Variants in HEXB observed in about 807,000 individuals in gnomAD.
HEXB encodes the protein hexosaminidase subunit beta, also known as beta-hexosaminidase subunit beta.
Under a neutral mutation model 71.2 loss-of-function variants are expected in HEXB, and 51 were observed. That is an observed-to-expected ratio of 0.72 (90% confidence interval 0.57 to 0.90). The LOEUF is 0.90. HEXB is among the 40% of genes least tolerant of loss of function. The probability of loss-of-function intolerance (pLI) is 0.00; values close to 1 mark genes in which losing one functional copy is unlikely to be tolerated. For synonymous variants in HEXB, 266 were observed against 249.3 expected (o/e 1.07, Z -0.63); for missense variants, 617 against 677.0 (o/e 0.91, Z 0.98).
At chr5:74,693,794 G>T (rs1040095211) in intron 3 of HEXB, 90 bp downstream of exon 3, 5 of 889,810 alleles carry the variant, frequency 5.6e-6, no homozygotes, top group Non-Finnish European at 9.6e-6. Context: ...AAACTTTGCC[G>T]CCTTAGATCC....
At chr5:74,646,561 A>C (rs1393259691) in intron 1 of HEXB, among the ~76,000 whole-genome samples, 1 of 151,138 alleles carries the variant, frequency 6.6e-6, no homozygotes, top group Non-Finnish European at 1.5e-5. Flanking sequence ...ATGAACAAAC[A>C]ATTCATTCTT....
chr5:74,656,213 G>A (rs9716515), intron 1 of HEXB, among the ~76,000 whole-genome samples: 1 of 152,006 alleles, frequency 6.6e-6, no homozygotes, highest in Admixed American at 6.6e-5. Context: ...CCCAGCACTT[G>A]GGGAGGCCTA....
rs1488449870 is a variant in HEXB at position 74,702,080 on chromosome 5, T to C, written c.670-3139T>C. On this transcript the variant is annotated intron_variant, in intron 5 of 13. Coordinates refer to ENST00000261416, the MANE Select transcript of HEXB (RefSeq NM_000521.4). ...ATCTTTCCTTGTCTTTTTTTTTTTT[T>C]TTTTTTTTTTTTTTTTGAGACGGAG... Among the ~76,000 whole-genome samples, 3 of 128,244 alleles carry C rather than the reference T, an allele frequency of 2.3e-5. No homozygotes were observed. The Admixed American group carries it at 2.4e-4, about 10-fold the overall frequency. 84.1% of individuals were successfully genotyped at this position (128,244 alleles called of 152,430 possible). A position where few individuals can be genotyped will look rare whatever the true frequency, so the allele number is the denominator to read the frequency against.
chr5:74,695,448 C>T (rs1245310828), intron 3 of HEXB, among the ~76,000 whole-genome samples: 1 of 151,134 alleles, frequency 6.6e-6, no homozygotes, highest in Non-Finnish European at 1.5e-5. Flanking sequence ...CGTGATCCAC[C>T]TGCCTTGGCC....
chr5:74,642,872 C>G (rs1747931270), intron 1 of HEXB, among the ~76,000 whole-genome samples: 1 of 152,156 alleles, frequency 6.6e-6, no homozygotes, highest in African/African-American at 2.4e-5. Flanking sequence ...GCTGGTGCCA[C>G]TTTCCTGTAT....
intron 5 of HEXB, among the ~76,000 whole-genome samples, chr5:74,702,730 T>C (rs977500032): frequency 6.6e-6 from 1 of 152,218 alleles, no homozygotes; most frequent in African/African-American, 2.4e-5. Context: ...CACTCACTAG[T>C]TTTAGCATCC....
chr5:74,672,502 C>T (rs1169615039), intron 1 of HEXB, among the ~76,000 whole-genome samples: 1 of 152,192 alleles, frequency 6.6e-6, no homozygotes, highest in Non-Finnish European at 1.5e-5. Flanking sequence ...AGCTATAGAC[C>T]ACACTGAATG....
intron 3 of HEXB, among the ~76,000 whole-genome samples, chr5:74,695,713 C>T (rs1042515720): frequency 4.0e-5 from 6 of 150,780 alleles, no homozygotes; most frequent in Non-Finnish European, 5.9e-5. Flanking sequence ...TGGTGGTGCA[C>T]GCTTGTAGTC....
At chr5:74,642,804 T>G (rs1241700659) in intron 1 of HEXB, among the ~76,000 whole-genome samples, 1 of 152,168 alleles carries the variant, frequency 6.6e-6, no homozygotes, top group Non-Finnish European at 1.5e-5. Context: ...CAAAGAACTT[T>G]GCTAAGCAGG....
At chr5:74,679,034 T>G (rs1038212032) in intron 1 of HEXB, among the ~76,000 whole-genome samples, 1 of 152,238 alleles carries the variant, frequency 6.6e-6, no homozygotes, top group Admixed American at 6.5e-5. Flanking sequence ...TTGCCGTTTT[T>G]GGGGGAAAAA....
rs115330892 is a variant in HEXB, at chr5:74,661,291, G to C, written c.-377+20733G>C. On this transcript the variant is annotated intron_variant, in intron 1 of 13. Transcript: ENST00000511181. ...AGAGTTATCCTCTGACTGAGAACGA[G>C]AATGGGGTGAAATCAACAAAAATGA... Among the ~76,000 whole-genome samples, 343 of 152,272 alleles carry C rather than the reference G, an allele frequency of 2.3e-3. 2 individuals carry two copies. The highest frequency in any genetic ancestry group is 7.8e-3 in the African/African-American group (322 of 41,544).
At chr5:74,649,554 T>G (rs1343813152) in intron 1 of HEXB, among the ~76,000 whole-genome samples, 1 of 152,230 alleles carries the variant, frequency 6.6e-6, no homozygotes, top group Non-Finnish European at 1.5e-5. Flanking sequence ...CCTGATTATC[T>G]AAGGCCCATT....
chr5:74,720,006 T>TA (rs1749785108), intron 11 of HEXB: 2 of 187,204 alleles, frequency 1.1e-5, no homozygotes, highest in Non-Finnish European at 2.3e-5. Flanking sequence ...AGGTAGAAAT[T>TA]AAAGGTAGGC....
intron 5 of HEXB, among the ~76,000 whole-genome samples, chr5:74,703,168 G>A (rs1749303005): frequency 1.3e-5 from 2 of 152,206 alleles, no homozygotes; most frequent in Admixed American, 1.3e-4. Flanking sequence ...GGCCAGGCTG[G>A]TCCCGAGCTC....
chr5:74,709,622 A>G (rs1253898404), intron 6 of HEXB, among the ~76,000 whole-genome samples: 1 of 152,216 alleles, frequency 6.6e-6, no homozygotes. Context: ...CACCAATCCC[A>G]CAGAAATACA....
intron 1 of HEXB, among the ~76,000 whole-genome samples, chr5:74,644,786 T>TG (rs1747972248): frequency 7.1e-6 from 1 of 141,320 alleles, no homozygotes; most frequent in Non-Finnish European, 1.5e-5. Context: ...TTTTTTTTTT[T>TG]TTTGAGACAG....
chr5:74,644,373 A>G (rs1027964825), intron 1 of HEXB, among the ~76,000 whole-genome samples: 21 of 152,352 alleles, frequency 1.4e-4, no homozygotes, highest in African/African-American at 5.1e-4. Context: ...GGGAGCTGCC[A>G]GCACACACAG....
Position 74,720,695 on chromosome 5 carries a change from GAT to G in HEXB, c.1564_1565del (p.Met522GlyfsTer2), listed in dbSNP as rs1561229296. 1.2e-6 allele frequency: 2 copies of G among 1,614,208 alleles called. No homozygotes were observed. Among genetic ancestry groups the G allele is most frequent in the Non-Finnish European group, 1.7e-6 (2 of 1,180,030 alleles). On this transcript the variant is annotated frameshift_variant, in exon 13 of 14. Transcript: ENST00000261416. LOFTEE classifies it high-confidence loss of function. ...ACTCTGGAGTTCCAAAGATGTCAGA[GAT>G]ATGGATGACGCCTATGACAGACTGA... ...ERLWSSKDVR[D>X]MDDAYDRLTR...
chr5:74,646,973 A>T (rs1748013192), intron 1 of HEXB, among the ~76,000 whole-genome samples: 1 of 152,226 alleles, frequency 6.6e-6, no homozygotes, highest in African/African-American at 2.4e-5. Flanking sequence ...CTATATTTAG[A>T]AGAAGGTAGC....
Sources: gnomAD v4.1 joint callset for allele counts (sites outside exome capture counted in the v4.1 genomes callset) on GRCh38, gnomAD v4.1.1 for gene constraint, MANE v1.5 for transcripts, NCBI Gene and HGNC (gene_info 2026-07-23, HGNC 2026-07-21) for gene names.